DPYD: variants seen among roughly 807,000 people sequenced by gnomAD.
The protein encoded by DPYD is dihydropyrimidine dehydrogenase, also known as dihydropyrimidine dehydrogenase [NADP(+)].
A neutral mutation model predicts 116.2 loss-of-function variants in DPYD; 109 were observed. The ratio of observed to expected loss-of-function variants is 0.94; its 90% confidence interval spans 0.80 to 1.10. The LOEUF is 1.10. DPYD is among the 50% of genes least tolerant of loss of function. DPYD has a pLI of 0.00. For synonymous variants in DPYD, 440 were observed against 432.0 expected, an observed-to-expected ratio of 1.02 and a Z score of -0.23; for missense variants, 1,302 against 1,254.5, an observed-to-expected ratio of 1.04 and a Z score of -0.57.
At chr1:97,223,968 A>C (rs1000307607) in intron 19 of DPYD, among the ~76,000 whole-genome samples, 1 of 152,044 alleles carries the variant, frequency 6.6e-6, no homozygotes, top group East Asian at 1.9e-4. Context: ...AGACCTCAAG[A>C]GTTTATGAAT....
chr1:97,259,450 T>C (rs1325871053), intron 18 of DPYD, among the ~76,000 whole-genome samples: 2 of 152,124 alleles, frequency 1.3e-5, no homozygotes, highest in South Asian at 2.1e-4. Flanking sequence ...CAATAGCTCA[T>C]TGCAGACTCG....
chr1:97,645,523 G>A (rs977177608), intron 8 of DPYD, among the ~76,000 whole-genome samples: 1 of 151,818 alleles, frequency 6.6e-6, no homozygotes, highest in Non-Finnish European at 1.5e-5. Context: ...GATTTCAAAT[G>A]CTACTTTTTA....
chr1:97,609,570 C>G (rs1037199020), intron 8 of DPYD, among the ~76,000 whole-genome samples: 1 of 151,958 alleles, frequency 6.6e-6, no homozygotes, highest in African/African-American at 2.4e-5. Flanking sequence ...TGCTCATTTA[C>G]AGATGACAAA....
At chr1:97,895,983 G>A (rs1673043404) in intron 1 of DPYD, among the ~76,000 whole-genome samples, 1 of 151,594 alleles carries the variant, frequency 6.6e-6, no homozygotes, top group Admixed American at 6.6e-5. Flanking sequence ...TATACCTAAA[G>A]CAAGATATAA....
chr1:97,582,440 G>A (rs996523288), intron 10 of DPYD, among the ~76,000 whole-genome samples: 2 of 152,184 alleles, frequency 1.3e-5, no homozygotes, highest in African/African-American at 2.4e-5. Context: ...AGGACATGAA[G>A]GAGGGTAAAG....
intron 5 of DPYD, among the ~76,000 whole-genome samples, chr1:97,713,919 C>A (rs528855050): frequency 6.6e-6 from 1 of 152,076 alleles, no homozygotes; most frequent in Non-Finnish European, 1.5e-5. Flanking sequence ...TATCATTAAT[C>A]TAACAAATAT....
intron 8 of DPYD, among the ~76,000 whole-genome samples, chr1:97,636,863 T>C (rs1657595448): frequency 6.6e-6 from 1 of 152,128 alleles, no homozygotes; most frequent in Admixed American, 6.6e-5. Flanking sequence ...TGAAATGCCT[T>C]GACAAACCTA....
intron 14 of DPYD, among the ~76,000 whole-genome samples, chr1:97,447,554 T>A (rs944931239): frequency 1.3e-5 from 2 of 152,198 alleles, no homozygotes; most frequent in African/African-American, 2.4e-5. Flanking sequence ...ATGATGTGTA[T>A]AATCTAAATA....
intron 20 of DPYD, among the ~76,000 whole-genome samples, chr1:97,189,505 T>A (rs775278104): frequency 3.9e-5 from 6 of 152,202 alleles, no homozygotes; most frequent in African/African-American, 7.2e-5. Context: ...TGTTCAAATA[T>A]CGGACTGTCC....
chr1:97,874,114 A>G (rs1287741351), intron 2 of DPYD, among the ~76,000 whole-genome samples: 1 of 151,918 alleles, frequency 6.6e-6, no homozygotes, highest in Non-Finnish European at 1.5e-5. Flanking sequence ...TGTCTTCATC[A>G]TCACCATTAT....
chr1:97,843,448 C>T (rs1670135537), intron 2 of DPYD, among the ~76,000 whole-genome samples: 1 of 152,172 alleles, frequency 6.6e-6, no homozygotes, highest in Non-Finnish European at 1.5e-5. Context: ...TTAGCATAAT[C>T]TGATTGTCTG....
At chr1:97,709,556 C>G (rs1323853884) in intron 5 of DPYD, among the ~76,000 whole-genome samples, 1 of 151,770 alleles carries the variant, frequency 6.6e-6, no homozygotes, top group East Asian at 1.9e-4. Flanking sequence ...TCCAAATTGA[C>G]TTTACCAGCA....
At chr1:97,315,229 GA>G (rs1489737499) in intron 16 of DPYD, among the ~76,000 whole-genome samples, 2 of 151,946 alleles carry the variant, frequency 1.3e-5, no homozygotes, top group Admixed American at 1.3e-4. Context: ...GTGGTGAGCT[GA>G]CTGCCTCTAA....
At chr1:97,087,246 T>G (rs551921490) in intron 21 of DPYD, among the ~76,000 whole-genome samples, 20 of 152,332 alleles carry the variant, frequency 1.3e-4, no homozygotes, top group African/African-American at 4.8e-4. Flanking sequence ...CAGTGTGGTA[T>G]AGTGATCTCT....
intron 18 of DPYD, among the ~76,000 whole-genome samples, chr1:97,296,993 C>A (rs1666577526): frequency 6.6e-6 from 1 of 152,112 alleles, no homozygotes; most frequent in Admixed American, 6.6e-5. Flanking sequence ...GGGATTATGT[C>A]TTTTGCTAGC....
intron 18 of DPYD, among the ~76,000 whole-genome samples, chr1:97,242,084 T>TTA (rs1432507602): frequency 1.1e-4 from 16 of 143,312 alleles, no homozygotes; most frequent in African/African-American, 3.8e-4. Flanking sequence ...TAAATCTTTA[T>TTA]TAGATTTTTA....
chr1:97,687,520 A>G (rs561547221), intron 7 of DPYD, among the ~76,000 whole-genome samples: 1 of 152,334 alleles, frequency 6.6e-6, no homozygotes, highest in East Asian at 1.9e-4. Flanking sequence ...ATGCTTTTAC[A>G]CTGTTAGTGG....
At chr1:97,669,147 C>T (rs1659725144) in intron 8 of DPYD, among the ~76,000 whole-genome samples, 1 of 152,098 alleles carries the variant, frequency 6.6e-6, no homozygotes, top group South Asian at 2.1e-4. Context: ...CATCTGCACA[C>T]CAGGTGGCAC....
chr1:97,616,259 A>G (rs1446858525), intron 8 of DPYD, among the ~76,000 whole-genome samples: 1 of 152,176 alleles, frequency 6.6e-6, no homozygotes, highest in Admixed American at 6.6e-5. Flanking sequence ...GGAATGGTAA[A>G]TTCAGTTTTC....
Sources: allele counts gnomAD v4.1 joint callset (sites outside exome capture counted in the v4.1 genomes callset), GRCh38; gene constraint gnomAD v4.1.1; transcripts MANE v1.5; gene names NCBI Gene and HGNC (gene_info 2026-07-23, HGNC 2026-07-21).